The following GRB10 variants were observed in gnomAD, a reference collection of about 807,000 sequenced individuals.
GRB10 encodes growth factor receptor-bound protein 10.
A neutral mutation model predicts 80.9 loss-of-function variants in GRB10; 20 were observed. The observed-to-expected ratio is 0.25, with a 90% CI of 0.17 to 0.36. GRB10 has a LOEUF of 0.36. GRB10 is among the 10% of genes least tolerant of loss of function. The pLI is 1.00. For synonymous variants in GRB10, 291 were observed against 291.5 expected (o/e 1.00, Z 0.02); for missense variants, 548 against 747.7 (o/e 0.73, Z 3.12).
chr7:50,677,598 A>T (rs1487134065), intron 5 of GRB10, among the ~76,000 whole-genome samples: 1 of 152,220 alleles, frequency 6.6e-6, no homozygotes, highest in Admixed American at 6.5e-5. Flanking sequence ...AAGTTCTAGA[A>T]CGTATGCATC....
Position 50,642,966 on chromosome 7 carries a change from G to A in GRB10, c.505-15988C>T, listed in dbSNP as rs751965127. ...AGTCAATGGACATCTGCAGAGAGCA[G>A]AGGATCGACACAGTCTCAAATCATC... On this transcript the variant is annotated intron_variant, in intron 7 of 18. Coordinates refer to ENST00000401949, the MANE Select transcript of GRB10 (RefSeq NM_001350814.2). 5.5e-4 allele frequency among the ~76,000 whole-genome samples: 83 copies of A among 152,230 alleles called. 1 individual carries two copies. The highest frequency in any genetic ancestry group is 7.9e-4 in the Non-Finnish European group (54 of 68,046).
At chr7:50,666,969 G>A (rs1399462471) in intron 7 of GRB10, among the ~76,000 whole-genome samples, 4 of 150,744 alleles carry the variant, frequency 2.7e-5, no homozygotes, top group Non-Finnish European at 5.9e-5. Flanking sequence ...GAACCCAGGA[G>A]GCAGAGCTTG....
intron 8 of GRB10, among the ~76,000 whole-genome samples, chr7:50,622,926 G>T (rs1411799135): frequency 2.0e-5 from 3 of 152,014 alleles, no homozygotes; most frequent in Non-Finnish European, 4.4e-5. Flanking sequence ...AAAGTGCTGG[G>T]ACTACAGGCA....
rs1051931567 is a variant in GRB10 at position 50,624,865 on chromosome 7, A to G, written c.661+1957T>C. Among the ~76,000 whole-genome samples the G allele has an allele frequency of 5.3e-5, 8 of 151,874 alleles. No homozygotes were observed. In the East Asian group the frequency reaches 1.5e-3, roughly 29 times the overall value. ...ACAGGACCCAAAATTTGACACAAAT[A>G]TTCCTCTTTTTTTTTTAATCATTTC... On this transcript the variant is annotated intron_variant, in intron 8 of 18. Transcript: ENST00000401949.
chr7:50,634,319 GC>G (rs1282111646), intron 7 of GRB10, among the ~76,000 whole-genome samples: 1 of 152,144 alleles, frequency 6.6e-6, no homozygotes, highest in Non-Finnish European at 1.5e-5. Flanking sequence ...GAGAAATAAA[GC>G]CTTTCCCAGA....
At chr7:50,605,085 C>A in intron 15 of GRB10, 1 of 597,062 alleles carries the variant, frequency 1.7e-6, no homozygotes, top group Non-Finnish European at 3.0e-6. Flanking sequence ...GCCCAGGGGA[C>A]AGGGGACAGC....
At chr7:50,664,903 TAA>T (rs2059647390) in intron 7 of GRB10, among the ~76,000 whole-genome samples, 1 of 152,264 alleles carries the variant, frequency 6.6e-6, no homozygotes, top group Admixed American at 6.5e-5. Flanking sequence ...GAACAATGAC[TAA>T]TTTAATTTCA....
chr7:50,605,512 C>A, intron 14 of GRB10, 106 bp from the exon 15 acceptor site: 1 of 945,942 alleles, frequency 1.1e-6, no homozygotes, highest in Admixed American at 1.7e-5. Flanking sequence ...GCAGGGAATG[C>A]CTGCTTTCTA....
rs754967598 is a variant in GRB10 at position 50,612,725 on chromosome 7, G to A, written c.1194+16C>T. 52 of 1,588,450 alleles carry A rather than the reference G, an allele frequency of 3.3e-5. No individual in the cohort carries two copies. Among genetic ancestry groups the A allele is most frequent in the Non-Finnish European group, 4.1e-5 (47 of 1,157,614 alleles). ...AAGAGATGTGCACTCAACACAAACCGCAAGATGTCACATACCTTGAGGAGT... is the reference window on the plus strand; with the variant it reads ...AAGAGATGTGCACTCAACACAAACCACAAGATGTCACATACCTTGAGGAGT... On this transcript the variant is annotated intron_variant, in intron 13 of 18. Transcript: ENST00000401949.
At chr7:50,725,088 T>C (rs992591029) in intron 4 of GRB10, among the ~76,000 whole-genome samples, 1 of 152,168 alleles carries the variant, frequency 6.6e-6, no homozygotes, top group African/African-American at 2.4e-5. Flanking sequence ...CCTGCTGTAA[T>C]GGCGACTGAT....
intron 6 of GRB10, among the ~76,000 whole-genome samples, chr7:50,670,609 A>G (rs1053580197): frequency 1.7e-4 from 26 of 152,004 alleles, no homozygotes; most frequent in African/African-American, 5.8e-4. Flanking sequence ...ACATGGCATC[A>G]GCTCCAAATA....
intron 3 of GRB10, among the ~76,000 whole-genome samples, chr7:50,752,173 TGA>T (rs755329185): frequency 1.2e-3 from 184 of 152,180 alleles, no homozygotes; most frequent in Non-Finnish European, 1.9e-3. Context: ...CAGAAGAATG[TGA>T]GAGGGCTCTC....
intron 17 of GRB10, among the ~76,000 whole-genome samples, chr7:50,603,570 A>G (rs1431874558): frequency 6.6e-6 from 1 of 152,246 alleles, no homozygotes; most frequent in African/African-American, 2.4e-5. Flanking sequence ...AGGCCACTCA[A>G]CCAACAATGA....
At chr7:50,712,606 G>A (rs2066069797) in intron 4 of GRB10, among the ~76,000 whole-genome samples, 1 of 152,062 alleles carries the variant, frequency 6.6e-6, no homozygotes, top group African/African-American at 2.4e-5. Context: ...AAAATCATAC[G>A]GCCTAAAAAA....
chr7:50,784,859 T>C (rs1011887857), upstream of GRB10, among the ~76,000 whole-genome samples: 16 of 152,182 alleles, frequency 1.1e-4, no homozygotes, highest in African/African-American at 3.9e-4. Context: ...GAACTACCAT[T>C]CACCTCTGGA....
chr7:50,666,213 T>C (rs752520786), intron 7 of GRB10, among the ~76,000 whole-genome samples: 3 of 152,196 alleles, frequency 2.0e-5, no homozygotes, highest in Non-Finnish European at 4.4e-5. Context: ...CAGATAGCTC[T>C]TCACTCTGTC....
chr7:50,705,216 C>T, intron 4 of GRB10: 1 of 985,820 alleles, frequency 1.0e-6, no homozygotes, highest in Non-Finnish European at 1.2e-6. Flanking sequence ...CAGAGGGTAG[C>T]CCAGGGGACA....
Position 50,683,365 on chromosome 7 carries a change from G to T in GRB10, c.140-8707C>A, listed in dbSNP as rs532487701. ...GAGTTTCATTTTTGCCAGATGAATA[G>T]AGTTCTATGGATGGATGGTGGTGAA... On this transcript the variant is annotated intron_variant, in intron 5 of 18. Coordinates refer to ENST00000401949, the MANE Select transcript of GRB10 (RefSeq NM_001350814.2). 2.4e-4 allele frequency among the ~76,000 whole-genome samples: 37 copies of T among 152,324 alleles called. No individual in the cohort carries two copies. The South Asian group carries it at 7.5e-3, about 31-fold the overall frequency.
At chr7:50,773,413 GGGGACGGGGAA>G (rs1241381145) in intron 2 of GRB10, among the ~76,000 whole-genome samples, 18 of 78,834 alleles carry the variant, frequency 2.3e-4, no homozygotes, top group Non-Finnish European at 5.1e-4. Flanking sequence ...GGAAGGGGAA[GGGGACGGGGAA>G]GGGAAGGGGA....
Sources: allele counts gnomAD v4.1 joint callset (sites outside exome capture counted in the v4.1 genomes callset), GRCh38; gene constraint gnomAD v4.1.1; transcripts MANE v1.5; gene names NCBI Gene and HGNC (gene_info 2026-07-23, HGNC 2026-07-21).